Variants in FANCI observed in about 807,000 individuals in gnomAD.
FANCI encodes the protein Fanconi anemia group I protein.
A neutral mutation model predicts 176.1 loss-of-function variants in FANCI; 156 were observed. The ratio of observed to expected loss-of-function variants is 0.89; its 90% CI spans 0.78 to 1.01. The LOEUF (loss-of-function observed/expected upper bound fraction) is 1.01, where lower values mean the gene tolerates loss of function less well. Ranked by LOEUF, FANCI falls within the 50% of genes least tolerant of loss-of-function variation. FANCI has a pLI of 0.00. For synonymous variants in FANCI, 613 were observed against 541.7 expected, an observed-to-expected ratio of 1.13 and a Z score of -1.83; for missense variants, 1,678 against 1,534.1, an observed-to-expected ratio of 1.09 and a Z score of -1.57.
intron 35 of FANCI, among the ~76,000 whole-genome samples, chr15:89,314,283 T>C (rs561174957): frequency 6.6e-6 from 1 of 152,080 alleles, no homozygotes; most frequent in East Asian, 1.9e-4. Flanking sequence ...AACAAGGAAA[T>C]AGAGCTAGGG....
intron 18 of FANCI, among the ~76,000 whole-genome samples, chr15:89,289,614 T>C (rs1289227099): frequency 6.6e-6 from 1 of 152,166 alleles, no homozygotes; most frequent in East Asian, 1.9e-4. Context: ...CCTGTTTCTT[T>C]TCTTTAAACA....
Position 89,283,160 on chromosome 15 carries a change from A to C in FANCI, c.1608A>C (p.Ala536=). 1 of 1,614,156 alleles carries C rather than the reference A, an allele frequency of 6.2e-7. No homozygotes were observed. Among genetic ancestry groups the C allele is most frequent in the Non-Finnish European group, 8.5e-7 (1 of 1,180,018 alleles). The stretch of plus-strand genomic sequence containing the variant: ...GCCAGCTTGATGCCCGAAAATCTGC[A>C]GTTGCTGGGTTTTTGCTGCTCCTGA... ...FANQLDARKS[A]VAGFLLLLKN... Residue 536 remains alanine, a synonymous_variant, in exon 17 of 38, where the codon GCA becomes GCC. Transcript: ENST00000310775.
intron 6 of FANCI, among the ~76,000 whole-genome samples, chr15:89,262,863 T>C (rs2052772536): frequency 6.6e-6 from 1 of 152,234 alleles, no homozygotes; most frequent in Non-Finnish European, 1.5e-5. Context: ...ATTTCCAGTT[T>C]TTGTGCTATT....
intron 2 of FANCI, among the ~76,000 whole-genome samples, chr15:89,256,451 A>G (rs1192560937): frequency 6.6e-6 from 1 of 152,228 alleles, no homozygotes. Context: ...AGCTAGAAAC[A>G]CCAGCCTCAT....
At chr15:89,249,975 C>G (rs2052167288) in intron 2 of FANCI, among the ~76,000 whole-genome samples, 1 of 152,148 alleles carries the variant, frequency 6.6e-6, no homozygotes, top group Non-Finnish European at 1.5e-5. Flanking sequence ...ACAAAGAAAA[C>G]ATGGGTAGGT....
chr15:89,306,106 A>G lies in FANCI; in HGVS notation c.3449A>G (p.Gln1150Arg). The G allele has an allele frequency of 6.2e-7, 1 of 1,614,190 alleles. No individual in the cohort carries two copies. The highest frequency in any genetic ancestry group is 8.5e-7 in the Non-Finnish European group (1 of 1,180,010). ...TLLTFFHELV[Q>R]TALPSGSCVD... ...CTTACATTTTTCCACGAGCTGGTGC[A>G]GACAGCTCTGCCATCAGGCAGCTGT... The change falls in exon 32 of 38, where the codon CAG (glutamine) becomes CGG (arginine). Residue 1150 changes from glutamine to arginine, a missense_variant. By Grantham distance (43) the Gln-to-Arg change is conservative. Transcript: ENST00000310775.
intron 13 of FANCI, 91 bp from the exon 14 acceptor site, chr15:89,278,596 C>T (rs570840726): frequency 2.2e-6 from 2 of 907,054 alleles, no homozygotes; most frequent in East Asian, 2.5e-5. Context: ...TACTCATATC[C>T]AAACGGTTCT....
At chr15:89,283,039 T>A (rs1226924825) in intron 16 of FANCI, 97 bp from the exon 17 acceptor site, 1 of 1,154,758 alleles carries the variant, frequency 8.7e-7, no homozygotes. Flanking sequence ...TGTTTATACA[T>A]ATGCCTTCTC....
At chr15:89,293,646 C>T (rs1479981682) in intron 22 of FANCI, among the ~76,000 whole-genome samples, 187 bp from the exon 23 acceptor site, 1 of 152,042 alleles carries the variant, frequency 6.6e-6, no homozygotes, top group Non-Finnish European at 1.5e-5. Flanking sequence ...CAAGGTCACA[C>T]CAGGGGAAAC....
intron 34 of FANCI, chr15:89,308,176 C>T: frequency 9.6e-7 from 1 of 1,041,502 alleles, no homozygotes; most frequent in Non-Finnish European, 1.2e-6. Flanking sequence ...AGTTTTTTAA[C>T]CTCACCACTA....
chr15:89,258,726 A>G lies in FANCI; in HGVS notation c.107A>G (p.Gln36Arg). 1 of 1,613,672 alleles carries G rather than the reference A, an allele frequency of 6.2e-7. No homozygotes were observed. The highest frequency in any genetic ancestry group is 8.5e-7 in the Non-Finnish European group (1 of 1,179,604). The stretch of plus-strand genomic sequence containing the variant: ...CAGTTGACTAATCTCCTTCAGAATC[A>G]AGCAGTGAAAGGAAAAGTTGCTGGA... ...EGDLTNLLQNQAVKGKVAGAL... is the reference protein window; with the variant it reads ...EGDLTNLLQNRAVKGKVAGAL... Residue 36 changes from glutamine to arginine, a missense_variant, in exon 3 of 38, where the codon CAA becomes CGA. Gln to Arg is a conservative substitution (Grantham distance 43). Coordinates refer to ENST00000310775, the MANE Select transcript of FANCI (RefSeq NM_001113378.2).
At chr15:89,300,003 GGT>G (rs775892283) in intron 25 of FANCI, 37 bp downstream of exon 25, 1 of 1,609,986 alleles carries the variant, frequency 6.2e-7, no homozygotes, top group African/African-American at 1.3e-5. Flanking sequence ...GCTTGATTTA[GGT>G]TTCTCCTTAG....
intron 18 of FANCI, among the ~76,000 whole-genome samples, chr15:89,286,746 A>G (rs1349330112): frequency 6.6e-6 from 1 of 152,152 alleles, no homozygotes; most frequent in Non-Finnish European, 1.5e-5. Context: ...ACTTAAAGTC[A>G]GCAGCTACAT....
At chr15:89,307,824 T>C in intron 34 of FANCI, 152 bp downstream of exon 34, 1 of 1,523,068 alleles carries the variant, frequency 6.6e-7, no homozygotes, top group Non-Finnish European at 8.8e-7. Flanking sequence ...AGCCAAGGCT[T>C]GAGGGCTTTG....
At chr15:89,263,854 A>G in intron 7 of FANCI, 49 bp from the exon 8 acceptor site, 1 of 1,611,746 alleles carries the variant, frequency 6.2e-7, no homozygotes, top group Non-Finnish European at 8.5e-7. Flanking sequence ...ATTTCTGAAA[A>G]CAAGGCAGTT....
At chr15:89,305,861 C>A in intron 31 of FANCI, 146 bp from the exon 32 acceptor site, 1 of 1,054,914 alleles carries the variant, frequency 9.5e-7, no homozygotes, top group Non-Finnish European at 1.4e-6. Flanking sequence ...TATGTCTTAT[C>A]ACAGCACGAT....
At chr15:89,296,513 A>C (rs1247789130) in intron 24 of FANCI, among the ~76,000 whole-genome samples, 2 of 152,148 alleles carry the variant, frequency 1.3e-5, no homozygotes, top group African/African-American at 4.8e-5. Context: ...GGTTGCGGGT[A>C]AGGTCACAGA....
In FANCI at chr15:89,290,207, T is replaced by C. The variant is rs1567163103; in HGVS notation, c.1822-6T>C. 6.2e-7 allele frequency: 1 copy of C among 1,611,958 alleles called. No individual in the cohort carries two copies. The highest frequency in any genetic ancestry group is 8.5e-7 in the Non-Finnish European group (1 of 1,177,998). On this transcript the variant is annotated splice_polypyrimidine_tract_variant and splice_region_variant and intron_variant, in intron 18 of 37. Coordinates refer to ENST00000310775, the MANE Select transcript of FANCI (RefSeq NM_001113378.2). ...GTGCTTATTTCTTCTCTTTGATTCC[T>C]CTTAGGGGTTTTATGATGTTCTTCG... is the stretch of plus-strand genomic sequence containing the variant.
chr15:89,250,712 T>A lies in FANCI; in HGVS notation c.84+2981T>A, dbSNP rs553055872. ...AGTATAATAAAAATATATATATATATAAAAATAAAAAAATACCTTCTAAAT... is the reference window on the plus strand; with the variant it reads ...AGTATAATAAAAATATATATATATAAAAAAATAAAAAAATACCTTCTAAAT... On this transcript the variant is annotated intron_variant, in intron 2 of 37. Coordinates refer to ENST00000310775, the MANE Select transcript of FANCI (RefSeq NM_001113378.2). Among the ~76,000 whole-genome samples, 393 of 149,528 alleles carry A rather than the reference T, an allele frequency of 2.6e-3. 2 individuals carry two copies. The highest frequency in any genetic ancestry group is 9.2e-3 in the African/African-American group (378 of 41,022).
Sources: allele counts gnomAD v4.1 joint callset (sites outside exome capture counted in the v4.1 genomes callset), GRCh38; gene constraint gnomAD v4.1.1; transcripts MANE v1.5; gene names NCBI Gene and HGNC (gene_info 2026-07-23, HGNC 2026-07-21).